The following CTNNA3 variants were observed in gnomAD, a reference collection of about 807,000 sequenced individuals.
CTNNA3 encodes catenin alpha-3.
In CTNNA3, 76 loss-of-function variants were observed where a neutral mutation model predicts 95.7. That is an observed-to-expected ratio of 0.79 (90% CI 0.66 to 0.96). The LOEUF is 0.96. Ranked by LOEUF, CTNNA3 falls within the 40% of genes least tolerant of loss-of-function variation. The probability of loss-of-function intolerance (pLI) is 0.00; values close to 1 mark genes in which losing one functional copy is unlikely to be tolerated. For missense variants in CTNNA3, 1,191 were observed against 1,089.8 expected, an observed-to-expected ratio of 1.09 and a Z score of -1.31; for synonymous variants, 431 against 374.4, an observed-to-expected ratio of 1.15 and a Z score of -1.74.
intron 9 of CTNNA3, among the ~76,000 whole-genome samples, chr10:66,712,865 T>C (rs1848340164): frequency 6.6e-6 from 1 of 152,174 alleles, no homozygotes. Context: ...ATAATGTGTC[T>C]ACATGACAGT....
intron 11 of CTNNA3, among the ~76,000 whole-genome samples, chr10:66,432,694 G>T (rs1371418296): frequency 6.7e-6 from 1 of 150,288 alleles, no homozygotes; most frequent in Non-Finnish European, 1.5e-5. Flanking sequence ...TGGTATACAT[G>T]TGCAGAACAT....
At position 66,481,481 on chromosome 10, in the gene CTNNA3, T is replaced by C. The variant is rs1839527820; in HGVS notation, c.1531+39136A>G. Among the ~76,000 whole-genome samples the C allele has an allele frequency of 3.3e-5, 4 of 119,732 alleles. No individual in the cohort carries two copies. The South Asian group carries it at 1.1e-3, about 34-fold the overall frequency. The allele number at this position is 119,732 out of a possible 152,430, so 78.5% of individuals were successfully genotyped here. A position where few individuals can be genotyped will look rare whatever the true frequency, so the allele number is the denominator to read the frequency against. On this transcript the variant is annotated intron_variant, in intron 11 of 17. Transcript: ENST00000433211. ...TGTTTCTTTTTTTTTTTTTTTTTTT[T>C]TTTTTTTTGAGACGGAGTCTCGCTC...
chr10:67,071,388 G>T (rs74141789), intron 7 of CTNNA3, among the ~76,000 whole-genome samples: 1,666 of 133,724 alleles, frequency 0.012, 37 homozygotes, highest in African/African-American at 0.045. Flanking sequence ...AGATATATTT[G>T]TATTAGTTAC....
At chr10:67,701,541 G>C (rs951538204) in intron 1 of CTNNA3, among the ~76,000 whole-genome samples, 3 of 152,146 alleles carry the variant, frequency 2.0e-5, no homozygotes, top group Non-Finnish European at 2.9e-5. Context: ...CATAAGTGAA[G>C]GAGAAATAAA....
intron 2 of CTNNA3, among the ~76,000 whole-genome samples, chr10:67,629,496 T>C (rs994684208): frequency 6.6e-6 from 1 of 152,038 alleles, no homozygotes; most frequent in Admixed American, 6.6e-5. Flanking sequence ...ACTTCAAAAT[T>C]TGGAAATGCA....
rs188603812 is a variant in CTNNA3, at chr10:67,220,639, G to A, written c.580-769C>T. Among the ~76,000 whole-genome samples the A allele has an allele frequency of 5.9e-5, 9 of 152,298 alleles. No homozygotes were observed. The South Asian group carries it at 1.2e-3, about 21-fold the overall frequency. On this transcript the variant is annotated intron_variant, in intron 5 of 17. Transcript: ENST00000433211. ...AAAGCTGCTTTAGGCTGAATGGTCCGAGAAGGTATTTCTTCAGAGATGACA... is the reference window on the plus strand; with the variant it reads ...AAAGCTGCTTTAGGCTGAATGGTCCAAGAAGGTATTTCTTCAGAGATGACA...
intron 7 of CTNNA3, among the ~76,000 whole-genome samples, chr10:66,911,867 A>G (rs1407074540): frequency 6.6e-6 from 1 of 152,208 alleles, no homozygotes; most frequent in Admixed American, 6.5e-5. Context: ...AAATATATAA[A>G]GCCTAAGAAT....
intron 7 of CTNNA3, among the ~76,000 whole-genome samples, chr10:67,118,417 T>C (rs1339313317): frequency 6.6e-6 from 1 of 151,974 alleles, no homozygotes; most frequent in Non-Finnish European, 1.5e-5. Context: ...CATGCCCTTC[T>C]CACTTCTGCT....
chr10:66,155,605 G>C (rs2084454706), intron 13 of CTNNA3, among the ~76,000 whole-genome samples: 1 of 151,754 alleles, frequency 6.6e-6, no homozygotes, highest in Admixed American at 6.6e-5. Flanking sequence ...GTGGGGAGCG[G>C]AGGACCATCT....
At chr10:66,259,191 G>C (rs1476652318) in intron 13 of CTNNA3, among the ~76,000 whole-genome samples, 2 of 151,974 alleles carry the variant, frequency 1.3e-5, no homozygotes, top group African/African-American at 4.8e-5. Flanking sequence ...ATTTACATGG[G>C]GCCTCTTAAT....
intron 5 of CTNNA3, among the ~76,000 whole-genome samples, chr10:67,393,442 A>G (rs1436931231): frequency 2.0e-5 from 3 of 152,314 alleles, no homozygotes; most frequent in Admixed American, 6.5e-5. Flanking sequence ...CTGAAGTAAT[A>G]TCCCCAGTAT....
intron 15 of CTNNA3, among the ~76,000 whole-genome samples, chr10:66,051,466 T>C (rs949160326): frequency 6.6e-6 from 1 of 152,194 alleles, no homozygotes; most frequent in Non-Finnish European, 1.5e-5. Flanking sequence ...AATTTTAGTA[T>C]CTGCTTAAAC....
chr10:67,015,245 T>C (rs1852585998), intron 7 of CTNNA3: 1 of 152,154 alleles, frequency 6.6e-6, no homozygotes, highest in Admixed American at 6.5e-5. Context: ...ATTCTCTAAT[T>C]TCTAAAGCTG....
chr10:66,671,358 T>C (rs1490598406), intron 9 of CTNNA3, among the ~76,000 whole-genome samples: 2 of 152,114 alleles, frequency 1.3e-5, no homozygotes, highest in Non-Finnish European at 2.9e-5. Context: ...TGAATTGGAG[T>C]GCATTAGGTT....
At chr10:67,069,842 T>C (rs1233568672) in intron 7 of CTNNA3, among the ~76,000 whole-genome samples, 1 of 152,158 alleles carries the variant, frequency 6.6e-6, no homozygotes, top group Non-Finnish European at 1.5e-5. Flanking sequence ...AGCATTTCTG[T>C]TTTGGCACTA....
intron 7 of CTNNA3, among the ~76,000 whole-genome samples, chr10:67,148,024 G>A (rs1041694635): frequency 5.3e-5 from 8 of 152,172 alleles, no homozygotes; most frequent in African/African-American, 1.9e-4. Flanking sequence ...GGACCTAACA[G>A]CATCTGAAGC....
chr10:66,356,388 T>C (rs1444308281), intron 12 of CTNNA3, among the ~76,000 whole-genome samples: 3 of 151,976 alleles, frequency 2.0e-5, no homozygotes, highest in Admixed American at 6.6e-5. Flanking sequence ...TTGTAGTTTC[T>C]GGCAACATAT....
intron 1 of CTNNA3, among the ~76,000 whole-genome samples, chr10:67,695,494 T>C (rs12265366): frequency 0.24 from 35,973 of 152,146 alleles, 5,109 homozygotes; most frequent in East Asian, 0.52. Flanking sequence ...CCTCAACCTC[T>C]TAATATTCCT....
At chr10:66,716,825 C>T (rs541723976) in intron 9 of CTNNA3, among the ~76,000 whole-genome samples, 16 of 152,246 alleles carry the variant, frequency 1.1e-4, no homozygotes, top group African/African-American at 3.4e-4. Flanking sequence ...CAGTGCGTCA[C>T]CCGACTTTGG....
Sources: allele counts gnomAD v4.1 joint callset (sites outside exome capture counted in the v4.1 genomes callset), GRCh38; gene constraint gnomAD v4.1.1; transcripts MANE v1.5; gene names NCBI Gene and HGNC (gene_info 2026-07-23, HGNC 2026-07-21).